CIT: variants seen among roughly 807,000 people sequenced by gnomAD.
CIT encodes citron Rho-interacting kinase.
CIT carries 79 observed loss-of-function variants against 272.7 expected under a neutral mutation model. The ratio of observed to expected loss-of-function variants is 0.29; its 90% CI spans 0.24 to 0.35. CIT has a LOEUF of 0.35. Among genes scored for constraint, CIT ranks in the 10% least tolerant of loss-of-function variants. The pLI is 1.00. For missense variants in CIT, 1,909 were observed against 2,618.3 expected (o/e 0.73, Z 5.91); for synonymous variants, 948 against 995.6 (o/e 0.95, Z 0.90).
At chr12:119,816,472 G>A (rs1967194977) in intron 9 of CIT, among the ~76,000 whole-genome samples, 2 of 152,148 alleles carry the variant, frequency 1.3e-5, no homozygotes, top group Non-Finnish European at 2.9e-5. Context: ...GACCCACAAA[G>A]ATGAGCAAGA....
intron 32 of CIT, among the ~76,000 whole-genome samples, chr12:119,717,838 C>CTTTT (rs10699099): frequency 0.067 from 5,452 of 80,988 alleles, 973 homozygotes; most frequent in African/African-American, 0.15. Context: ...TGACTTCTTT[C>CTTTT]TTTTTTTTTT....
intron 4 of CIT, among the ~76,000 whole-genome samples, chr12:119,855,257 C>T (rs771916587): frequency 2.1e-4 from 32 of 151,998 alleles, no homozygotes; most frequent in Non-Finnish European, 4.3e-4. Flanking sequence ...CCCGTCTCTA[C>T]TAAAATTACA....
chr12:119,799,843 T>TTG (rs1197996622), intron 10 of CIT, among the ~76,000 whole-genome samples: 3 of 149,736 alleles, frequency 2.0e-5, no homozygotes, highest in African/African-American at 7.3e-5. Flanking sequence ...CTTTATGAGT[T>TTG]TTTTTTTTTT....
At position 119,699,872 on chromosome 12, in the gene CIT, C is replaced by T. The variant is rs116497765; in HGVS notation, c.5623+873G>A. On this transcript the variant is annotated intron_variant, in intron 44 of 47. Transcript: ENST00000392521. Reference sequence around the variant, plus strand: ...ATAGCCTCGAAGGGTATCTGGGCCACGACGGCATTTCAGAACATTCACACA... The same window carrying T: ...ATAGCCTCGAAGGGTATCTGGGCCATGACGGCATTTCAGAACATTCACACA... 627 of 456,064 alleles carry T rather than the reference C, an allele frequency of 1.4e-3. 1 individual carries two copies. The highest frequency in any genetic ancestry group is 0.011 in the African/African-American group (577 of 50,190). The allele number at this position is 456,064 out of a possible 1,614,324, so 28.3% of individuals were successfully genotyped here.
At chr12:119,703,721 C>T (rs183305123) in intron 41 of CIT, among the ~76,000 whole-genome samples, 5 of 152,288 alleles carry the variant, frequency 3.3e-5, no homozygotes, top group African/African-American at 1.2e-4. Flanking sequence ...CCAACATGCC[C>T]AGCCTCATTT....
At chr12:119,810,328 C>A (rs984102524) in intron 9 of CIT, among the ~76,000 whole-genome samples, 15 of 152,120 alleles carry the variant, frequency 9.9e-5, no homozygotes, top group African/African-American at 3.4e-4. Flanking sequence ...TCACAGAAGT[C>A]TTCTGTGGTG....
chr12:119,876,203 C>A, intron 1 of CIT, 22 bp from the exon 2 acceptor site: 1 of 1,483,860 alleles, frequency 6.7e-7, no homozygotes, highest in East Asian at 2.3e-5. Flanking sequence ...TCAGAAAAGT[C>A]AAGTGTGTCC....
At chr12:119,750,927 A>T (rs1029856034) in intron 23 of CIT, among the ~76,000 whole-genome samples, 1 of 152,152 alleles carries the variant, frequency 6.6e-6, no homozygotes, top group Non-Finnish European at 1.5e-5. Flanking sequence ...AAATGGGGAC[A>T]GCATCTAAGT....
intron 13 of CIT, 119 bp from the exon 14 acceptor site, chr12:119,776,961 A>C: frequency 8.7e-7 from 1 of 1,144,748 alleles, no homozygotes; most frequent in Non-Finnish European, 1.3e-6. Context: ...GAGACTGGCA[A>C]AGAAAAGACC....
rs756251492 is a variant in CIT at position 119,784,211 on chromosome 12, G to A, written c.1402-160C>T. On this transcript the variant is annotated intron_variant, in intron 11 of 47. Transcript: ENST00000392521. This position sits in a 1 kb window ranked among gnomAD's most constrained non-coding sequence, Gnocchi z 4.7. The stretch of plus-strand genomic sequence containing the variant: ...TACCATTGTTTCTTCGCCCAGGAGC[G>A]CACAGTTCTTCGTTAAGGACAGTCA... 33 of 1,601,508 alleles carry A rather than the reference G, an allele frequency of 2.1e-5. No individual in the cohort carries two copies. The highest frequency in any genetic ancestry group is 6.7e-5 in the African/African-American group (5 of 74,646).
chr12:119,860,975 G>T (rs1017387370), intron 3 of CIT, among the ~76,000 whole-genome samples: 2 of 151,542 alleles, frequency 1.3e-5, no homozygotes, highest in African/African-American at 4.9e-5. Flanking sequence ...ACAAAAATTA[G>T]CTGGGTATGG....
chr12:119,736,004 G>A (rs1958733181), intron 24 of CIT, among the ~76,000 whole-genome samples: 1 of 152,244 alleles, frequency 6.6e-6, no homozygotes, highest in Non-Finnish European at 1.5e-5. Context: ...GGGAAGCCAT[G>A]TATATGAAAT....
intron 5 of CIT, among the ~76,000 whole-genome samples, chr12:119,838,722 C>A (rs141848425): frequency 1.6e-4 from 25 of 152,272 alleles, no homozygotes; most frequent in Middle Eastern, 3.4e-3. Context: ...CTACCTGGAG[C>A]CTTTCTGCAT....
intron 5 of CIT, among the ~76,000 whole-genome samples, chr12:119,835,196 T>C (rs1471831791): frequency 1.3e-5 from 2 of 152,234 alleles, no homozygotes; most frequent in African/African-American, 4.8e-5. Flanking sequence ...AGTCCCTAGG[T>C]AGCTATAAGG....
chr12:119,709,781 AGAGAGAGTGTGTGTGT>A (rs1486356191), intron 39 of CIT, among the ~76,000 whole-genome samples: 4 of 58,234 alleles, frequency 6.9e-5, no homozygotes, highest in Non-Finnish European at 1.4e-4. Flanking sequence ...AGAGAGAGAG[AGAGAGAGTGTGTGTGT>A]GTGTGTGTGT....
chr12:119,870,048 C>A (rs1950622843), intron 2 of CIT, among the ~76,000 whole-genome samples: 1 of 152,156 alleles, frequency 6.6e-6, no homozygotes, highest in Non-Finnish European at 1.5e-5. Context: ...AGCAGTGATT[C>A]CCACGTGCCA....
chr12:119,758,143 C>T lies in CIT; in HGVS notation c.2531+448G>A, dbSNP rs1227702927. ...GAAAAAAATCCTGGAGATTCTAATT[C>T]TCTGGGGGAAAAGATTCAGCTCAAA... is the stretch of plus-strand genomic sequence containing the variant. On this transcript the variant is annotated intron_variant, in intron 21 of 47. Transcript: ENST00000392521. Among the ~76,000 whole-genome samples the T allele has an allele frequency of 2.0e-5, 3 of 152,190 alleles. No individual in the cohort carries two copies. The East Asian group carries it at 5.8e-4, about 29-fold the overall frequency.
intron 26 of CIT, among the ~76,000 whole-genome samples, chr12:119,731,813 A>AATATATATACATATAT (rs1369952457): frequency 1.9e-4 from 26 of 139,150 alleles, no homozygotes; most frequent in African/African-American, 6.9e-4. Context: ...TTCTCTCCTA[A>AATATATATACATATAT]ATATATATAT....
At chr12:119,830,679 G>A (rs1359437023) in intron 7 of CIT, among the ~76,000 whole-genome samples, 1 of 152,124 alleles carries the variant, frequency 6.6e-6, no homozygotes, top group East Asian at 1.9e-4. Context: ...TATCACATCT[G>A]GAGGGGAGGG....
Sources: allele counts gnomAD v4.1 joint callset (sites outside exome capture counted in the v4.1 genomes callset), GRCh38; gene constraint gnomAD v4.1.1; non-coding constraint Gnocchi (gnomAD v3.1); transcripts MANE v1.5; gene names NCBI Gene and HGNC (gene_info 2026-07-23, HGNC 2026-07-21).